The following FOXN3 variants were observed in gnomAD, a reference collection of about 807,000 sequenced individuals.
FOXN3 encodes the protein forkhead box N3.
Under a neutral mutation model 38.4 loss-of-function variants are expected in FOXN3, and 7 were observed. The ratio of observed to expected loss-of-function variants is 0.18; its 90% CI spans 0.10 to 0.34. The LOEUF (loss-of-function observed/expected upper bound fraction) is 0.34. Ranked by LOEUF, FOXN3 falls within the 10% of genes least tolerant of loss-of-function variation. The pLI is 1.00. For missense variants in FOXN3, 456 were observed against 613.4 expected, an observed-to-expected ratio of 0.74 and a Z score of 2.71; for synonymous variants, 230 against 242.2, an observed-to-expected ratio of 0.95 and a Z score of 0.47.
chr14:89,443,513 A>G (rs1892429472), intron 1 of FOXN3, among the ~76,000 whole-genome samples: 1 of 152,244 alleles, frequency 6.6e-6, no homozygotes, highest in Non-Finnish European at 1.5e-5. Context: ...AAGGAAAAAT[A>G]CAAATAGTGC....
chr14:89,390,017 C>A (rs568563777), intron 2 of FOXN3, among the ~76,000 whole-genome samples: 1 of 151,818 alleles, frequency 6.6e-6, no homozygotes, highest in Non-Finnish European at 1.5e-5. Context: ...CTCAGGAGTT[C>A]GAGACCAGCC....
chr14:89,237,212 G>C (rs1191139765), intron 4 of FOXN3, among the ~76,000 whole-genome samples: 3 of 152,084 alleles, frequency 2.0e-5, no homozygotes, highest in African/African-American at 4.8e-5. Flanking sequence ...ATTTGCAGAT[G>C]GCAAATATGC....
intron 1 of FOXN3, among the ~76,000 whole-genome samples, chr14:89,556,962 T>C (rs1421618351): frequency 6.6e-6 from 1 of 152,206 alleles, no homozygotes. Context: ...GAGCCGCCTC[T>C]GAGCACCTGG....
chr14:89,338,016 A>G (rs547612593), intron 3 of FOXN3, among the ~76,000 whole-genome samples: 1 of 152,120 alleles, frequency 6.6e-6, no homozygotes, highest in Non-Finnish European at 1.5e-5. Flanking sequence ...GGAATTTATA[A>G]CCTTTCTATC....
intron 1 of FOXN3, among the ~76,000 whole-genome samples, chr14:89,519,707 G>A (rs1424406858): frequency 6.6e-6 from 1 of 152,188 alleles, no homozygotes; most frequent in South Asian, 2.1e-4. Flanking sequence ...GGGGTGGAAG[G>A]GGGACAGTAA....
intron 4 of FOXN3, among the ~76,000 whole-genome samples, chr14:89,280,470 C>T (rs535789295): frequency 4.7e-4 from 71 of 152,258 alleles, no homozygotes; most frequent in Admixed American, 3.1e-3. Flanking sequence ...GAACAAACCA[C>T]GGCCAACCTT....
chr14:89,499,698 G>A (rs545351465), intron 1 of FOXN3, among the ~76,000 whole-genome samples: 5 of 152,074 alleles, frequency 3.3e-5, no homozygotes, highest in African/African-American at 4.8e-5. Flanking sequence ...ACTCGTTTAC[G>A]TGTAATTTTC....
chr14:89,585,691 C>T (rs1895826818), intron 1 of FOXN3, among the ~76,000 whole-genome samples: 1 of 147,416 alleles, frequency 6.8e-6, no homozygotes, highest in Non-Finnish European at 1.5e-5. Context: ...GTATTTACAA[C>T]TAACTGATCA....
chr14:89,179,356 C>T (rs1249270997), intron 5 of FOXN3, among the ~76,000 whole-genome samples: 1 of 152,148 alleles, frequency 6.6e-6, no homozygotes, highest in African/African-American at 2.4e-5. Context: ...AAGCTGCACG[C>T]GGCAGGGGAG....
intron 2 of FOXN3, among the ~76,000 whole-genome samples, chr14:89,395,816 AG>A (rs747065264): frequency 2.0e-5 from 3 of 151,742 alleles, no homozygotes; most frequent in Admixed American, 6.6e-5. Flanking sequence ...CTAAGGCTGG[AG>A]GGGGGGGAGT....
At chr14:89,180,886 A>G in intron 4 of FOXN3, 80 bp from the exon 5 acceptor site, 1 of 859,096 alleles carries the variant, frequency 1.2e-6, no homozygotes, top group Non-Finnish European at 1.7e-6. Context: ...AATTCTGGAT[A>G]GACCAATAAG....
At chr14:89,210,169 G>A (rs946790217) in intron 4 of FOXN3, among the ~76,000 whole-genome samples, 1 of 152,206 alleles carries the variant, frequency 6.6e-6, no homozygotes, top group Non-Finnish European at 1.5e-5. Context: ...GGTGGGGCCT[G>A]GCAAGAGGTA....
chr14:89,207,635 T>C (rs527563902), intron 4 of FOXN3, among the ~76,000 whole-genome samples: 5 of 152,332 alleles, frequency 3.3e-5, no homozygotes, highest in African/African-American at 1.2e-4. Context: ...GTGAAAAGTA[T>C]ACAAGGGTTC....
At chr14:89,244,637 C>A (rs1885236941) in intron 4 of FOXN3, among the ~76,000 whole-genome samples, 1 of 152,186 alleles carries the variant, frequency 6.6e-6, no homozygotes, top group Admixed American at 6.5e-5. Flanking sequence ...AAACCACTTA[C>A]CTTGTCTTAT....
intron 1 of FOXN3, among the ~76,000 whole-genome samples, chr14:89,499,906 G>GT (rs907676931): frequency 5.3e-5 from 8 of 150,362 alleles, no homozygotes. Context: ...TTGTTTGTTT[G>GT]TTTTTTTGAG....
chr14:89,534,137 A>C, intron 1 of FOXN3, among the ~76,000 whole-genome samples: 1 of 126,518 alleles, frequency 7.9e-6, no homozygotes. Flanking sequence ...ACAGCGTCTC[A>C]CTCTGTCACC....
In FOXN3 at chr14:89,572,487, T is replaced by C. The variant is rs111651674; in HGVS notation, c.-15+46541A>G. On this transcript the variant is annotated intron_variant, in intron 1 of 6. Coordinates refer to the FOXN3 transcript ENST00000345097. ...GGCAGCCCGAGAATCGCCCAGGCAC[T>C]GGCTGGCCCTAAGTAATTTTTCTAA... Among the ~76,000 whole-genome samples, 563 of 152,346 alleles carry C rather than the reference T, an allele frequency of 3.7e-3. 4 individuals carry two copies. Among genetic ancestry groups the C allele is most frequent in the South Asian group, 0.03 (143 of 4,834 alleles).
At chr14:89,446,196 C>CT (rs1555354304) in intron 1 of FOXN3, among the ~76,000 whole-genome samples, 426 of 26,152 alleles carry the variant, frequency 0.016, 10 homozygotes, top group Middle Eastern at 0.033. Context: ...TTTTTTTTTT[C>CT]TTTTTTTTTT....
rs1039982741 is a variant in FOXN3 at position 89,159,806 on chromosome 14, G to C, written c.*2608C>G. On this transcript the variant is annotated 3_prime_UTR_variant, in exon 6 of 6. Transcript: ENST00000557258. Reference sequence around the variant, plus strand: ...GCTGTGGATGGCTTTTAGGGTGTCAGATGTCTGGGGAGACGGAGGGAACAG... The same window carrying C: ...GCTGTGGATGGCTTTTAGGGTGTCACATGTCTGGGGAGACGGAGGGAACAG... 6.6e-6 allele frequency: 1 copy of C among 152,274 alleles called. No homozygotes were observed. Among genetic ancestry groups the C allele is most frequent in the Non-Finnish European group, 1.5e-5 (1 of 68,076 alleles). The allele number at this position is 152,274 out of a possible 1,614,324, so 9.4% of individuals were successfully genotyped here.
Sources: allele counts gnomAD v4.1 joint callset (sites outside exome capture counted in the v4.1 genomes callset), GRCh38; gene constraint gnomAD v4.1.1; transcripts MANE v1.5; gene names NCBI Gene and HGNC (gene_info 2026-07-23, HGNC 2026-07-21).